Variants in SCD5 observed in about 807,000 individuals in gnomAD.
The protein encoded by SCD5 is acyl-CoA-desaturase 4.
In SCD5, 20 loss-of-function variants were observed where a neutral mutation model predicts 30.4. The ratio of observed to expected loss-of-function variants is 0.66; its 90% CI spans 0.46 to 0.96. The LOEUF (loss-of-function observed/expected upper bound fraction) is 0.96, where lower values mean the gene tolerates loss of function less well. SCD5 is among the 40% of genes least tolerant of loss of function. The pLI is 0.00. For synonymous variants in SCD5, 173 were observed against 176.4 expected (o/e 0.98, Z 0.16); for missense variants, 381 against 443.3 (o/e 0.86, Z 1.26).
At chr4:82,797,635 G>C (rs948325892) in intron 1 of SCD5, among the ~76,000 whole-genome samples, 4 of 152,112 alleles carry the variant, frequency 2.6e-5, no homozygotes, top group Non-Finnish European at 5.9e-5. Flanking sequence ...GCTAGGGTCA[G>C]ACCGCTCTCG....
intron 2 of SCD5, among the ~76,000 whole-genome samples, chr4:82,701,323 A>C (rs1387775684): frequency 6.6e-6 from 1 of 152,150 alleles, no homozygotes; most frequent in Non-Finnish European, 1.5e-5. Flanking sequence ...ATAGAAAAAG[A>C]GTAGAATACA....
chr4:82,792,336 C>T (rs1373396864), intron 1 of SCD5, among the ~76,000 whole-genome samples: 1 of 152,162 alleles, frequency 6.6e-6, no homozygotes, highest in Non-Finnish European at 1.5e-5. Flanking sequence ...TAAGCCAGTG[C>T]AGGTTTCATG....
intron 1 of SCD5, among the ~76,000 whole-genome samples, chr4:82,736,124 A>AAGT (rs1720745085): frequency 6.6e-6 from 1 of 151,976 alleles, no homozygotes; most frequent in Non-Finnish European, 1.5e-5. Flanking sequence ...CATCTCTACA[A>AAGT]AAAGTATTAA....
intron 4 of SCD5, among the ~76,000 whole-genome samples, chr4:82,632,133 C>T (rs555186969): frequency 4.8e-4 from 73 of 151,742 alleles, no homozygotes; most frequent in African/African-American, 1.7e-3. Context: ...TTTGCTGCAC[C>T]CATTAACTGG....
chr4:82,778,918 G>C (rs1448861187), intron 1 of SCD5, among the ~76,000 whole-genome samples: 2 of 150,436 alleles, frequency 1.3e-5, no homozygotes, highest in African/African-American at 2.5e-5. Context: ...CCAGGCTAGA[G>C]TGCAGCCGTA....
At chr4:82,742,658 A>G (rs1334117847) in intron 1 of SCD5, among the ~76,000 whole-genome samples, 1 of 152,202 alleles carries the variant, frequency 6.6e-6, no homozygotes, top group Non-Finnish European at 1.5e-5. Context: ...ATGGTGGCTC[A>G]TGCCTGTAAT....
chr4:82,723,747 G>A (rs574114763), intron 1 of SCD5, among the ~76,000 whole-genome samples: 193 of 152,284 alleles, frequency 1.3e-3, no homozygotes, highest in Non-Finnish European at 2.3e-3. Flanking sequence ...CAGAGGGAAG[G>A]TAGAAACAAT....
chr4:82,706,831 T>C (rs1719981885), intron 1 of SCD5, among the ~76,000 whole-genome samples: 1 of 152,254 alleles, frequency 6.6e-6, no homozygotes, highest in Non-Finnish European at 1.5e-5. Flanking sequence ...CTGCACAGTG[T>C]GTCCTAGTTA....
chr4:82,630,149 A>C lies in SCD5; in HGVS notation c.*1178T>G, dbSNP rs568567515. ...TTAAGATAACAATAGCAAACAGAACAAAATCAAACATCTAAACAGGCATGA... is the reference window on the plus strand; with the variant it reads ...TTAAGATAACAATAGCAAACAGAACCAAATCAAACATCTAAACAGGCATGA... On this transcript the variant is annotated 3_prime_UTR_variant, in exon 5 of 5. Coordinates refer to ENST00000319540, the MANE Select transcript of SCD5 (RefSeq NM_001037582.3). 6.6e-6 allele frequency: 1 copy of C among 152,362 alleles called. No homozygotes were observed. The highest frequency in any genetic ancestry group is 1.9e-4 in the East Asian group (1 of 5,190). 9.4% of individuals were successfully genotyped at this position (152,362 alleles called of 1,614,324 possible). A position where few individuals can be genotyped will look rare whatever the true frequency, so the allele number is the denominator to read the frequency against.
intron 1 of SCD5, among the ~76,000 whole-genome samples, chr4:82,753,612 C>T (rs1021583567): frequency 1.3e-5 from 2 of 152,104 alleles, no homozygotes; most frequent in African/African-American, 4.8e-5. Context: ...CTTCTCTACT[C>T]CCAAAGAAGT....
chr4:82,677,089 A>G (rs1392110632), intron 3 of SCD5, among the ~76,000 whole-genome samples: 2 of 152,230 alleles, frequency 1.3e-5, no homozygotes, highest in Non-Finnish European at 2.9e-5. Context: ...AATCAACTGC[A>G]ATATCTGTGT....
rs368839845 is a variant in SCD5, at chr4:82,664,961, A to ATCTCTCTCTC, written c.569+15736_569+15745dup. Among the ~76,000 whole-genome samples, 28 of 77,058 alleles carry ATCTCTCTCTC rather than the reference A, an allele frequency of 3.6e-4. 1 individual carries two copies. Among genetic ancestry groups the ATCTCTCTCTC allele is most frequent in the South Asian group, 1.4e-3 (2 of 1,438 alleles). 50.6% of individuals were successfully genotyped at this position (77,058 alleles called of 152,430 possible). ...AGCCTGGGCAGCATAGCAAGACCCC[A>ATCTCTCTCTC]TCTCTCTCTCTCTCTCTCTCTCTCT... On this transcript the variant is annotated intron_variant, in intron 3 of 4. Coordinates refer to ENST00000319540, the MANE Select transcript of SCD5 (RefSeq NM_001037582.3).
intron 1 of SCD5, among the ~76,000 whole-genome samples, chr4:82,735,214 C>G (rs966678507): frequency 7.9e-5 from 12 of 152,154 alleles, no homozygotes; most frequent in African/African-American, 2.9e-4. Flanking sequence ...GCAAGTTCTC[C>G]CCATGTCTGT....
intron 1 of SCD5, among the ~76,000 whole-genome samples, chr4:82,792,566 C>T (rs1382536769): frequency 6.7e-6 from 1 of 150,288 alleles, no homozygotes; most frequent in Non-Finnish European, 1.5e-5. Context: ...AACCAACAAA[C>T]AAAAAACAGC....
At chr4:82,675,422 A>G (rs1035521924) in intron 3 of SCD5, among the ~76,000 whole-genome samples, 1 of 152,218 alleles carries the variant, frequency 6.6e-6, no homozygotes, top group Non-Finnish European at 1.5e-5. Flanking sequence ...ACAGGCCTCA[A>G]AAATATTCTA....
intron 1 of SCD5, among the ~76,000 whole-genome samples, chr4:82,797,785 ACT>A (rs1354359255): frequency 2.0e-5 from 3 of 151,148 alleles, no homozygotes; most frequent in East Asian, 2.0e-4. Context: ...GTAAACCAAG[ACT>A]CTATCCTGTG....
intron 1 of SCD5, among the ~76,000 whole-genome samples, chr4:82,745,706 A>C (rs1720968374): frequency 6.6e-6 from 1 of 152,194 alleles, no homozygotes; most frequent in Non-Finnish European, 1.5e-5. Context: ...TACCCATTAT[A>C]AAGTGGTGAG....
rs562619083 is a variant in SCD5, at chr4:82,745,155, A to T, written c.233-39742T>A. ...AAAAGATGTCACAGGGTGGACCTTG[A>T]CAAAAATCTTCAAGGTCCTCACAGT... On this transcript the variant is annotated intron_variant, in intron 1 of 4. Transcript: ENST00000319540. 2.0e-4 allele frequency among the ~76,000 whole-genome samples: 30 copies of T among 152,320 alleles called. 1 individual carries two copies. The highest frequency in any genetic ancestry group is 7.2e-4 in the African/African-American group (30 of 41,564).
At chr4:82,660,976 G>A in intron 3 of SCD5, 1 of 1,614,146 alleles carries the variant, frequency 6.2e-7, no homozygotes, top group Non-Finnish European at 8.5e-7. Context: ...GTGTAATCCG[G>A]GAAGGGTGAC....
Sources: gnomAD v4.1 joint callset for allele counts (sites outside exome capture counted in the v4.1 genomes callset) on GRCh38, gnomAD v4.1.1 for gene constraint, MANE v1.5 for transcripts, NCBI Gene and HGNC (gene_info 2026-07-23, HGNC 2026-07-21) for gene names.